The following PLIN5 variants were observed in gnomAD, a reference collection of about 807,000 sequenced individuals.
PLIN5 encodes the protein perilipin-5.
PLIN5 carries 34 observed loss-of-function variants against 32.8 expected under a neutral mutation model. That is an observed-to-expected ratio of 1.04 (90% CI 0.79 to 1.38). PLIN5 has a LOEUF of 1.38. PLIN5 is among the 40% of genes most tolerant of loss of function. The pLI is 0.00. For synonymous variants in PLIN5, 309 were observed against 292.9 expected (o/e 1.05, Z -0.56); for missense variants, 712 against 660.5 (o/e 1.08, Z -0.85).
chr19:4,525,567 C>T lies in PLIN5; in HGVS notation c.720+66G>A, dbSNP rs377389607. 10 of 1,570,934 alleles carry T rather than the reference C, an allele frequency of 6.4e-6. No individual in the cohort carries two copies. In the African/African-American group the frequency reaches 1.1e-4, roughly 17 times the overall value. On this transcript the variant is annotated intron_variant, in intron 6 of 7. Transcript: ENST00000381848. This position sits in a 1 kb window ranked among gnomAD's most constrained non-coding sequence, Gnocchi z 5.6. ...TTAGGCTAGCACGGGATCCGGTATT[C>T]AGCTGGTGCTCAATCCATACTGATT...
chr19:4,523,548 T>A lies in PLIN5; in HGVS notation c.1372A>T (p.Met458Leu), dbSNP rs1374340625. ...TPSCPVKHTL[M>L]PELDF ...ATGGGTCAGAAGTCCAGCTCGGGCA[T>A]CAGGGTGTGCTTGACCGGGCAGCTG... is the stretch of plus-strand genomic sequence containing the variant. The change falls in exon 8 of 8, where the codon ATG (methionine) becomes TTG (leucine). Residue 458 changes from methionine to leucine, a missense_variant. By Grantham distance (15) the Met-to-Leu change is conservative (BLOSUM62 2). Transcript: ENST00000381848. The surrounding 1 kb of genome is among the most constrained non-coding windows in gnomAD (Gnocchi z 5.0). 1.3e-6 allele frequency: 2 copies of A among 1,574,340 alleles called. No individual in the cohort carries two copies. The highest frequency in any genetic ancestry group is 2.3e-5 in the East Asian group (1 of 43,814).
intron 4 of PLIN5, 199 bp downstream of exon 4, chr19:4,529,585 C>A: frequency 2.0e-6 from 1 of 509,398 alleles, no homozygotes; most frequent in Non-Finnish European, 3.5e-6. Context: ...TACATATATA[C>A]ACTATACGTA....
intron 5 of PLIN5, chr19:4,528,346 T>C (rs1976833926): frequency 6.6e-6 from 1 of 151,896 alleles, no homozygotes; most frequent in Admixed American, 6.6e-5. Context: ...CATAAACCAC[T>C]GGGGACTAGT....
chr19:4,529,390 G>A, intron 4 of PLIN5, 137 bp from the exon 5 acceptor site: 1 of 963,312 alleles, frequency 1.0e-6, no homozygotes, highest in East Asian at 2.6e-5. Context: ...CTATAAAATG[G>A]GTGATAAAAC....
chr19:4,525,501 C>A lies in PLIN5; in HGVS notation c.720+132G>T. 8.9e-7 allele frequency: 1 copy of A among 1,126,438 alleles called. No homozygotes were observed. The highest frequency in any genetic ancestry group is 1.5e-5 in the South Asian group (1 of 66,938). The allele number at this position is 1,126,438 out of a possible 1,614,324, so 69.8% of individuals were successfully genotyped here. The stretch of plus-strand genomic sequence containing the variant: ...GGCCCGGGTCCCCCAGCCCTGAACA[C>A]ATGCAGCTGGAGACAGCTGCACCCA... On this transcript the variant is annotated intron_variant, in intron 6 of 7. Transcript: ENST00000381848. The surrounding 1 kb of genome is among the most constrained non-coding windows in gnomAD (Gnocchi z 5.6).
At chr19:4,534,269 G>T (rs1976921789) in intron 1 of PLIN5, 174 bp from the exon 2 acceptor site, 9 of 609,418 alleles carry the variant, frequency 1.5e-5, no homozygotes, top group African/African-American at 7.4e-5. Context: ...TACACAGAGG[G>T]TGTCCAATAA....
intron 5 of PLIN5, among the ~76,000 whole-genome samples, chr19:4,528,222 T>C (rs1209503300): frequency 2.0e-5 from 3 of 152,006 alleles, no homozygotes; most frequent in Non-Finnish European, 4.4e-5. Context: ...TCCCTGCTTT[T>C]CTGCTGAGGT....
chr19:4,529,608 T>TAC (rs768882689), intron 4 of PLIN5, 176 bp downstream of exon 4: 12 of 328,492 alleles, frequency 3.7e-5, no homozygotes, highest in East Asian at 1.6e-4. Flanking sequence ...TACATATATG[T>TAC]ATACACACAC....
At position 4,532,002 on chromosome 19, in the gene PLIN5, G is replaced by GCACT. The variant is rs1976892533; in HGVS notation, c.61-184_61-181dup. ...TGGATGTGAGAATGTCATGGTTCCT[G>GCACT]CACTCACAGGCTCCTCTTCCCATGG... On this transcript the variant is annotated intron_variant, in intron 2 of 7. Coordinates refer to ENST00000381848, the MANE Select transcript of PLIN5 (RefSeq NM_001013706.3). Among the ~76,000 whole-genome samples the GCACT allele has an allele frequency of 2.6e-5, 4 of 152,240 alleles. No homozygotes were observed. The South Asian group carries it at 8.3e-4, about 31-fold the overall frequency.
At position 4,531,857 on chromosome 19, in the gene PLIN5, G is replaced by A. The variant is rs779760982; in HGVS notation, c.61-35C>T. On this transcript the variant is annotated intron_variant, in intron 2 of 7. Transcript: ENST00000381848. ...GGGTCGGCATCAGGGGGACCCTGGG[G>A]GAAGTGGGGCCCTAGCCACACCTCA... is the stretch of plus-strand genomic sequence containing the variant. The A allele has an allele frequency of 2.0e-6, 3 of 1,485,484 alleles. No homozygotes were observed. The East Asian group carries it at 7.6e-5, about 38-fold the overall frequency. The allele number at this position is 1,485,484 out of a possible 1,614,324, so 92.0% of individuals were successfully genotyped here.
chr19:4,529,628 C>CACACACACACACAG (rs1372730545), intron 4 of PLIN5, 156 bp downstream of exon 4: 1 of 503,248 alleles, frequency 2.0e-6, no homozygotes, highest in Non-Finnish European at 3.5e-6. Context: ...CACACACACA[C>CACACACACACACAG]ACACACACAC....
chr19:4,529,509 CA>C (rs1976852639), intron 4 of PLIN5: 2 of 518,780 alleles, frequency 3.9e-6, no homozygotes, highest in Non-Finnish European at 6.8e-6. Flanking sequence ...TACATATATA[CA>C]TGTATATATA....
chr19:4,527,807 T>G (rs1976825368), intron 5 of PLIN5, among the ~76,000 whole-genome samples: 1 of 149,902 alleles, frequency 6.7e-6, no homozygotes, highest in African/African-American at 2.5e-5. Flanking sequence ...ATCGCAACAC[T>G]GCACTCCAGC....
Position 4,531,646 on chromosome 19 carries a change from G to A in PLIN5, c.237C>T (p.Leu79=), listed in dbSNP as rs138772557. 9.4e-3 allele frequency: 14,290 copies of A among 1,527,326 alleles called. 109 individuals are homozygous for A. Among genetic ancestry groups the A allele is most frequent in the South Asian group, 0.021 (1,719 of 82,384 alleles). 94.6% of individuals were successfully genotyped at this position (1,527,326 alleles called of 1,614,324 possible). The change falls in exon 3 of 8, where the codon CTC becomes CTT. Residue 79 remains leucine (L), a synonymous_variant. Coordinates refer to ENST00000381848, the MANE Select transcript of PLIN5 (RefSeq NM_001013706.3). ...TRALDHAQPL[L]EHLQPQLATM... is the part of the protein sequence containing the mutation. ...ACTCACGCTGGGGCTGCAGGTGCTCGAGCAGCGGCTGGGCGTGGTCCAGGG... is the reference window on the plus strand; with the variant it reads ...ACTCACGCTGGGGCTGCAGGTGCTCAAGCAGCGGCTGGGCGTGGTCCAGGG...
At position 4,525,554 on chromosome 19, in the gene PLIN5, G is replaced by C. The variant is rs527937254; in HGVS notation, c.720+79C>G. Reference sequence around the variant, plus strand: ...TCCGCCTCCTGCTTTAGGCTAGCACGGGATCCGGTATTCAGCTGGTGCTCA... The same window carrying C: ...TCCGCCTCCTGCTTTAGGCTAGCACCGGATCCGGTATTCAGCTGGTGCTCA... On this transcript the variant is annotated intron_variant, in intron 6 of 7. Transcript: ENST00000381848. This position sits in a 1 kb window ranked among gnomAD's most constrained non-coding sequence, Gnocchi z 5.6. The C allele has an allele frequency of 3.9e-6, 6 of 1,537,320 alleles. No homozygotes were observed. The highest frequency in any genetic ancestry group is 5.3e-6 in the Non-Finnish European group (6 of 1,129,094).
intron 3 of PLIN5, among the ~76,000 whole-genome samples, chr19:4,531,006 CTT>C (rs1205645710): frequency 2.2e-5 from 3 of 135,908 alleles, no homozygotes; most frequent in Non-Finnish European, 3.2e-5. Flanking sequence ...TTTGTTTTTG[CTT>C]TTTTTTTTTT....
Position 4,525,693 on chromosome 19 carries a change from C to T in PLIN5, c.660G>A (p.Leu220=). The change falls in exon 6 of 8, where the codon CTG becomes CTA. Residue 220 remains leucine, a synonymous_variant. Transcript: ENST00000381848. The surrounding 1 kb of genome is among the most constrained non-coding windows in gnomAD (Gnocchi z 5.6). ...HLAYEHSVGK[L]RQSKHRAQDT... is the part of the protein sequence containing the mutation. ...CCTGGGCACGGTGTTTGCTCTGCCT[C>T]AGTTTCCCCACAGAGTGCTCGTAGG... The T allele has an allele frequency of 6.2e-7, 1 of 1,613,780 alleles. No homozygotes were observed. The highest frequency in any genetic ancestry group is 8.5e-7 in the Non-Finnish European group (1 of 1,180,038).
chr19:4,530,154 C>G (rs1357431910), intron 3 of PLIN5, among the ~76,000 whole-genome samples: 1 of 152,064 alleles, frequency 6.6e-6, no homozygotes, highest in African/African-American at 2.4e-5. Context: ...GGGGAGAAGG[C>G]CTAGACCACA....
chr19:4,525,043 C>A lies in PLIN5; in HGVS notation c.754G>T (p.Ala252Ser), dbSNP rs770088157. Residue 252 changes from alanine (A) to serine (S), a missense_variant, in exon 7 of 8, where the codon GCC (alanine) becomes TCC (serine). Physicochemically the swap from Ala to Ser is moderately conservative, Grantham distance 99 (BLOSUM62 1). Transcript: ENST00000381848. The surrounding 1 kb of genome is among the most constrained non-coding windows in gnomAD (Gnocchi z 5.6). Reference sequence around the variant, plus strand: ...TGCACCTTCCCAGGGCAGGCCGGGGCGGTGGGGGTCACCCCACACTGCATG... The same window carrying A: ...TGCACCTTCCCAGGGCAGGCCGGGGAGGTGGGGGTCACCCCACACTGCATG... ...DHMQCGVTPT[A>S]PACPGKVHEL... The A allele has an allele frequency of 2.3e-6, 3 of 1,315,440 alleles. No individual in the cohort carries two copies. The highest frequency in any genetic ancestry group is 3.0e-6 in the Non-Finnish European group (3 of 1,015,926). The allele number at this position is 1,315,440 out of a possible 1,614,324, so 81.5% of individuals were successfully genotyped here.
Sources: allele counts gnomAD v4.1 joint callset (sites outside exome capture counted in the v4.1 genomes callset), GRCh38; gene constraint gnomAD v4.1.1; non-coding constraint Gnocchi (gnomAD v3.1); transcripts MANE v1.5; gene names NCBI Gene and HGNC (gene_info 2026-07-23, HGNC 2026-07-21).